The following TTBK2 variants were observed in gnomAD, a reference collection of about 807,000 sequenced individuals.
The protein encoded by TTBK2 is tau tubulin kinase 2.
TTBK2 carries 28 observed loss-of-function variants against 110.8 expected under a neutral mutation model. The ratio of observed to expected loss-of-function variants is 0.25; its 90% CI spans 0.19 to 0.35. TTBK2 has a LOEUF of 0.35. Among genes scored for constraint, TTBK2 ranks in the 10% least tolerant of loss-of-function variants. The probability of loss-of-function intolerance (pLI) is 1.00; values close to 1 mark genes in which losing one functional copy is unlikely to be tolerated. For synonymous variants in TTBK2, 532 were observed against 527.3 expected (o/e 1.01, Z -0.12); for missense variants, 1,369 against 1,500.3 (o/e 0.91, Z 1.45).
intron 1 of TTBK2, among the ~76,000 whole-genome samples, chr15:42,890,940 C>T (rs1895432070): frequency 6.6e-6 from 1 of 152,292 alleles, no homozygotes; most frequent in East Asian, 1.9e-4. Flanking sequence ...GCAATCTTGG[C>T]TCACTGCAAC....
At chr15:42,795,847 A>T (rs1316864933) in intron 9 of TTBK2, among the ~76,000 whole-genome samples, 2 of 151,172 alleles carry the variant, frequency 1.3e-5, no homozygotes, top group East Asian at 3.9e-4. Context: ...TTTCTCCAAA[A>T]AAAAAAAAAA....
Position 42,752,911 on chromosome 15 carries a change from C to T in TTBK2, c.2335G>A (p.Glu779Lys). ...EFENLPGETEEKSILLESDNE... is the reference protein window; with the variant it reads ...EFENLPGETEKKSILLESDNE... Reference sequence around the variant, plus strand: ...TCTGACTCTAAAAGGATGCTTTTCTCTTCAGTTTCCCCAGGGAGATTTTCA... The same window carrying T: ...TCTGACTCTAAAAGGATGCTTTTCTTTTCAGTTTCCCCAGGGAGATTTTCA... The change falls in exon 14 of 15, where the codon GAG (glutamate) becomes AAG (lysine). Residue 779 changes from glutamate (E) to lysine (K), a missense_variant. Transcript: ENST00000267890. 1.2e-6 allele frequency: 2 copies of T among 1,614,206 alleles called. No homozygotes were observed. Among genetic ancestry groups the T allele is most frequent in the East Asian group, 4.5e-5 (2 of 44,888 alleles).
At chr15:42,763,502 C>T (rs1889203184) in intron 13 of TTBK2, among the ~76,000 whole-genome samples, 1 of 151,610 alleles carries the variant, frequency 6.6e-6, no homozygotes, top group Non-Finnish European at 1.5e-5. Context: ...GCATGAGCCA[C>T]TGCGTCTGGC....
chr15:42,814,090 C>T (rs772238921), intron 7 of TTBK2, among the ~76,000 whole-genome samples: 2 of 152,014 alleles, frequency 1.3e-5, no homozygotes, highest in East Asian at 2.0e-4. Context: ...GGGGCACTAT[C>T]GGCTCACTGC....
chr15:42,911,353 G>A (rs551527717), intron 1 of TTBK2, among the ~76,000 whole-genome samples: 25 of 152,264 alleles, frequency 1.6e-4, no homozygotes, highest in Non-Finnish European at 3.4e-4. Context: ...TAGAATCCCA[G>A]CTACTAGAGA....
At chr15:42,814,091 G>A (rs1396373189) in intron 7 of TTBK2, among the ~76,000 whole-genome samples, 2 of 151,632 alleles carry the variant, frequency 1.3e-5, no homozygotes, top group African/African-American at 2.4e-5. Flanking sequence ...GGGCACTATC[G>A]GCTCACTGCA....
chr15:42,811,924 A>T, intron 7 of TTBK2, 144 bp from the exon 8 acceptor site: 1 of 485,604 alleles, frequency 2.1e-6, no homozygotes, highest in Non-Finnish European at 3.5e-6. Flanking sequence ...AAACATATAT[A>T]TATATATAAA....
intron 14 of TTBK2, 52 bp downstream of exon 14, chr15:42,751,922 A>C: frequency 6.3e-7 from 1 of 1,599,922 alleles, no homozygotes; most frequent in South Asian, 1.1e-5. Context: ...ACAATAAAGC[A>C]GATATAGAAA....
Position 42,746,129 on chromosome 15 carries a change from G to A in TTBK2, c.3401C>T (p.Pro1134Leu). 6.2e-7 allele frequency: 1 copy of A among 1,614,166 alleles called. No individual in the cohort carries two copies. Among genetic ancestry groups the A allele is most frequent in the Non-Finnish European group, 8.5e-7 (1 of 1,180,040 alleles). The change falls in exon 15 of 15, where the codon CCT (proline) becomes CTT (leucine). Residue 1134 changes from proline to leucine, a missense_variant. Physicochemically the swap from Pro to Leu is moderately conservative, Grantham distance 98 (BLOSUM62 -3). This residue lies in a region of TTBK2 where 1,097 missense variants were observed against 1,114.7 expected (regional missense o/e 0.98). Coordinates refer to ENST00000267890, the MANE Select transcript of TTBK2 (RefSeq NM_173500.4). ...STTQCKSPGS[P>L]HNPKTPPKSP... ...CTTGGGTGGTGTTTTTGGATTGTGA[G>A]GAGATCCTGGACTCTTGCACTGAGT...
At position 42,777,119 on chromosome 15, in the gene TTBK2, G is replaced by A. The variant is rs773725330; in HGVS notation, c.1321C>T (p.Arg441Ter). ...AAGCTGTGAATGGAACGTAACTTTC[G>A]CACCAGTGGAATATCTCTGTCTGGC... ...TQPDRDIPLV[R>*]KLRSIHSFEL... The change falls in exon 12 of 15, where the codon CGA becomes TGA. Residue 441 changes from arginine (R) to a stop codon, truncating the protein, a stop_gained. Transcript: ENST00000267890. LOFTEE classifies it high-confidence loss of function. 5 of 1,614,132 alleles carry A rather than the reference G, an allele frequency of 3.1e-6. No individual in the cohort carries two copies. The highest frequency in any genetic ancestry group is 4.2e-6 in the Non-Finnish European group (5 of 1,180,032).
intron 13 of TTBK2, among the ~76,000 whole-genome samples, chr15:42,774,027 G>C (rs976941565): frequency 7.2e-5 from 11 of 152,220 alleles, no homozygotes; most frequent in Non-Finnish European, 1.3e-4. Flanking sequence ...TCCCAGGAAA[G>C]AGGGACCTGC....
chr15:42,885,187 T>A lies in TTBK2; in HGVS notation c.-67-6503A>T, dbSNP rs576062473. On this transcript the variant is annotated intron_variant, in intron 1 of 14. Transcript: ENST00000267890. ...CTCTTCACACAGACACGTGAGACAT[T>A]TGGTGCCAAAGACCTGGGTCAGCAG... is the stretch of plus-strand genomic sequence containing the variant. 5.3e-5 allele frequency among the ~76,000 whole-genome samples: 8 copies of A among 152,308 alleles called. No individual in the cohort carries two copies. The East Asian group carries it at 1.5e-3, about 29-fold the overall frequency.
chr15:42,746,404 GTAT>G, intron 14 of TTBK2, 147 bp from the exon 15 acceptor site: 1 of 658,234 alleles, frequency 1.5e-6, no homozygotes, highest in Admixed American at 2.7e-5. Context: ...TATACTAGTT[GTAT>G]GACCCTGGAC....
intron 4 of TTBK2, among the ~76,000 whole-genome samples, chr15:42,838,441 C>T (rs987766045): frequency 4.0e-5 from 6 of 151,682 alleles, no homozygotes; most frequent in Non-Finnish European, 8.8e-5. Flanking sequence ...CCCTCTTCTC[C>T]CCACTATAGC....
chr15:42,776,874 G>A, intron 12 of TTBK2, 157 bp downstream of exon 12: 2 of 681,862 alleles, frequency 2.9e-6, no homozygotes, highest in Non-Finnish European at 4.9e-6. Flanking sequence ...AAACATGGAT[G>A]AAAATTGGAG....
In TTBK2 at chr15:42,772,919, AAAC is replaced by A. The variant is rs554385514; in HGVS notation, c.1998+2213_1998+2215del. On this transcript the variant is annotated intron_variant, in intron 13 of 14. Transcript: ENST00000267890. ...AACATGGAAAAACCCTGTCTCTACA[AAAC>A]AACAACAACAACAACAACAACAGCC... 5.1e-3 allele frequency among the ~76,000 whole-genome samples: 775 copies of A among 151,980 alleles called. 2 individuals are homozygous for A. The highest frequency in any genetic ancestry group is 0.013 in the African/African-American group (524 of 41,482).
At chr15:42,825,105 T>C (rs1892473345) in intron 6 of TTBK2, among the ~76,000 whole-genome samples, 1 of 151,978 alleles carries the variant, frequency 6.6e-6, no homozygotes, top group Non-Finnish European at 1.5e-5. Flanking sequence ...AACAAGACCC[T>C]GTCTCTTTAA....
At chr15:42,913,957 T>A (rs1342812535) in intron 1 of TTBK2, among the ~76,000 whole-genome samples, 1 of 151,680 alleles carries the variant, frequency 6.6e-6, no homozygotes, top group Non-Finnish European at 1.5e-5. Flanking sequence ...TTCACTGCAA[T>A]AACATTTTAA....
chr15:42,859,018 C>T (rs1421314456), intron 3 of TTBK2, among the ~76,000 whole-genome samples: 2 of 152,156 alleles, frequency 1.3e-5, no homozygotes, highest in Non-Finnish European at 2.9e-5. Context: ...TTCTTCCTAA[C>T]AAGGTCTGCC....
Sources: allele counts gnomAD v4.1 joint callset (sites outside exome capture counted in the v4.1 genomes callset), GRCh38; gene constraint gnomAD v4.1.1; regional missense constraint gnomAD v4.1.1; transcripts MANE v1.5; gene names NCBI Gene and HGNC (gene_info 2026-07-23, HGNC 2026-07-21).